Variants in PDE4D observed in about 807,000 individuals in gnomAD.
The protein encoded by PDE4D is phosphodiesterase 4D.
Under a neutral mutation model 87.4 loss-of-function variants are expected in PDE4D, and 24 were observed. The observed-to-expected ratio is 0.27, with a 90% CI of 0.20 to 0.39. The LOEUF (loss-of-function observed/expected upper bound fraction) is 0.39. PDE4D is among the 10% of genes least tolerant of loss of function. The pLI is 1.00. For synonymous variants in PDE4D, 384 were observed against 383.2 expected (o/e 1.00, Z -0.02); for missense variants, 714 against 1,041.0 (o/e 0.69, Z 4.32).
intron 1 of PDE4D, among the ~76,000 whole-genome samples, chr5:59,700,589 T>C (rs2150448642): frequency 6.6e-6 from 1 of 152,322 alleles, no homozygotes; most frequent in African/African-American, 2.4e-5. Context: ...TATAGGCATA[T>C]TTACTTATCT....
At position 59,893,432 on chromosome 5, in the gene PDE4D, G is replaced by A. The variant is rs1269857478; in HGVS notation, c.191C>T (p.Ser64Leu). 2.3e-5 allele frequency: 34 copies of A among 1,505,270 alleles called. No individual in the cohort carries two copies. Among genetic ancestry groups the A allele is most frequent in the Non-Finnish European group, 3.0e-5 (34 of 1,124,042 alleles). The allele number at this position is 1,505,270 out of a possible 1,614,324, so 93.2% of individuals were successfully genotyped here. The change falls in exon 1 of 15, where the codon TCG (serine) becomes TTG (leucine). Residue 64 changes from serine to leucine, a missense_variant. Coordinates refer to ENST00000340635, the MANE Select transcript of PDE4D (RefSeq NM_001104631.2). ...CGGACACTGGGGCTGGGGCTGGGGC[G>A]AGGGTGGCGGCGGCGGGGGCAGGTG... ...HHHLPPPPPPSPQPQPQCPLQ... is the reference protein window; with the variant it reads ...HHHLPPPPPPLPQPQPQCPLQ...
chr5:59,791,395 AT>A (rs1765772443), intron 1 of PDE4D, among the ~76,000 whole-genome samples: 1 of 152,204 alleles, frequency 6.6e-6, no homozygotes, highest in African/African-American at 2.4e-5. Flanking sequence ...TGCACTGTGA[AT>A]TCTGGTTCTT....
intron 1 of PDE4D, among the ~76,000 whole-genome samples, chr5:59,326,787 T>C (rs1581972889): frequency 6.6e-6 from 1 of 152,100 alleles, no homozygotes; most frequent in Non-Finnish European, 1.5e-5. Flanking sequence ...AAAAGACACA[T>C]AACTTTCTTG....
chr5:60,280,313 C>CAT (rs202013022), intron 1 of PDE4D, among the ~76,000 whole-genome samples: 10,933 of 121,722 alleles, frequency 0.09, 430 homozygotes, highest in South Asian at 0.12. Context: ...TATATACATA[C>CAT]ATATATATAT....
chr5:59,878,565 G>A (rs963940797), intron 1 of PDE4D, among the ~76,000 whole-genome samples: 14 of 152,030 alleles, frequency 9.2e-5, no homozygotes, highest in Admixed American at 9.2e-4. Flanking sequence ...CGCCCACCTC[G>A]GCCTCCCAAA....
chr5:59,892,999 A>C (rs1751183300), intron 1 of PDE4D, among the ~76,000 whole-genome samples, 169 bp downstream of exon 1: 1 of 151,906 alleles, frequency 6.6e-6, no homozygotes, highest in African/African-American at 2.4e-5. Flanking sequence ...CCTGAATAGC[A>C]TACTCTCAAT....
At chr5:60,139,515 A>G (rs1337148757) in intron 2 of PDE4D, among the ~76,000 whole-genome samples, 1 of 152,120 alleles carries the variant, frequency 6.6e-6, no homozygotes, top group Non-Finnish European at 1.5e-5. Flanking sequence ...ACTTCTACAA[A>G]ATTTGAGTGT....
chr5:60,376,521 G>A (rs948379182), intron 1 of PDE4D, among the ~76,000 whole-genome samples: 4 of 152,136 alleles, frequency 2.6e-5, no homozygotes, highest in East Asian at 1.9e-4. Context: ...TACTACAGAA[G>A]CCACAGCGAA....
At chr5:59,448,238 C>A (rs1016179111) in intron 1 of PDE4D, among the ~76,000 whole-genome samples, 1 of 152,166 alleles carries the variant, frequency 6.6e-6, no homozygotes, top group African/African-American at 2.4e-5. Flanking sequence ...CTTTAAGATT[C>A]TCTGGCTGCC....
chr5:59,790,686 C>A (rs534000576), intron 1 of PDE4D, among the ~76,000 whole-genome samples: 55 of 152,242 alleles, frequency 3.6e-4, no homozygotes, highest in African/African-American at 1.3e-3. Context: ...CACCCTCTGC[C>A]TCCATTCTGC....
At chr5:60,406,151 G>T (rs1741512302) in intron 1 of PDE4D, among the ~76,000 whole-genome samples, 1 of 151,966 alleles carries the variant, frequency 6.6e-6, no homozygotes, top group Non-Finnish European at 1.5e-5. Context: ...TTTCATATCT[G>T]CAGTGACATA....
chr5:60,195,231 C>A (rs1242899903), intron 1 of PDE4D, among the ~76,000 whole-genome samples: 1 of 151,610 alleles, frequency 6.6e-6, no homozygotes, highest in African/African-American at 2.4e-5. Flanking sequence ...TCCCTTTTTA[C>A]TCCCTCCATA....
chr5:60,075,842 G>GT (rs1319244019), intron 2 of PDE4D, among the ~76,000 whole-genome samples: 3 of 151,998 alleles, frequency 2.0e-5, no homozygotes, highest in Admixed American at 1.3e-4. Flanking sequence ...TTTGTACTGT[G>GT]TTTTTTCAGC....
chr5:59,687,947 C>A (rs1750197247), intron 1 of PDE4D, among the ~76,000 whole-genome samples: 1 of 152,008 alleles, frequency 6.6e-6, no homozygotes, highest in Admixed American at 6.6e-5. Context: ...GACTTTAAAC[C>A]AACAAAGATC....
chr5:59,746,599 A>C (rs1759643258), intron 1 of PDE4D, among the ~76,000 whole-genome samples: 1 of 151,982 alleles, frequency 6.6e-6, no homozygotes, highest in South Asian at 2.1e-4. Flanking sequence ...GGCTCTGTAA[A>C]TCCCCTACTT....
intron 5 of PDE4D, among the ~76,000 whole-genome samples, chr5:59,085,773 C>T (rs1767562544): frequency 6.6e-6 from 1 of 152,060 alleles, no homozygotes; most frequent in Admixed American, 6.6e-5. Context: ...TTTGTAAAAG[C>T]AAGTGCTTAA....
At chr5:60,491,942 A>C (rs1749554798), upstream of PDE4D, among the ~76,000 whole-genome samples, 1 of 152,202 alleles carries the variant, frequency 6.6e-6, no homozygotes, top group Non-Finnish European at 1.5e-5. Context: ...ATACATGCTT[A>C]GAACTGAGCC....
intron 11 of PDE4D, among the ~76,000 whole-genome samples, chr5:58,983,993 A>G (rs1001035253): frequency 6.6e-6 from 1 of 152,206 alleles, no homozygotes; most frequent in African/African-American, 2.4e-5. Context: ...TGAAACAGTT[A>G]AGACTGGGGC....
At chr5:59,748,011 C>A (rs992669379) in intron 1 of PDE4D, among the ~76,000 whole-genome samples, 4 of 152,144 alleles carry the variant, frequency 2.6e-5, no homozygotes, top group African/African-American at 9.7e-5. Flanking sequence ...GACTTTACAA[C>A]AAAACTCCAA....
Sources: allele counts gnomAD v4.1 joint callset (sites outside exome capture counted in the v4.1 genomes callset), GRCh38; gene constraint gnomAD v4.1.1; transcripts MANE v1.5; gene names NCBI Gene and HGNC (gene_info 2026-07-23, HGNC 2026-07-21).